The following DDX60 variants were observed in gnomAD, a reference collection of about 807,000 sequenced individuals.
The protein encoded by DDX60 is DExD/H-box helicase 60.
A neutral mutation model predicts 212.8 loss-of-function variants in DDX60; 165 were observed. The ratio of observed to expected loss-of-function variants is 0.78; its 90% CI spans 0.68 to 0.88. DDX60 has a LOEUF of 0.88. Among genes scored for constraint, DDX60 ranks in the 40% least tolerant of loss-of-function variants. The pLI, the probability that DDX60 is intolerant of heterozygous loss-of-function variation, is 0.00. For synonymous variants in DDX60, 703 were observed against 685.3 expected, an observed-to-expected ratio of 1.03 and a Z score of -0.40; for missense variants, 1,905 against 2,003.9, an observed-to-expected ratio of 0.95 and a Z score of 0.94.
chr4:168,276,472 T>C (rs566435869), intron 14 of DDX60, among the ~76,000 whole-genome samples: 104 of 152,312 alleles, frequency 6.8e-4, no homozygotes, highest in African/African-American at 2.3e-3. Flanking sequence ...ATAACAAATA[T>C]TTTCTCCATC....
chr4:168,294,865 G>GA (rs1736272740), intron 6 of DDX60, among the ~76,000 whole-genome samples: 1 of 151,562 alleles, frequency 6.6e-6, no homozygotes, highest in African/African-American at 2.4e-5. Context: ...TCAATAGTAA[G>GA]AAAACAAATA....
intron 29 of DDX60, 87 bp downstream of exon 29, chr4:168,248,101 T>C (rs550484053): frequency 2.4e-5 from 20 of 820,070 alleles, no homozygotes; most frequent in Non-Finnish European, 3.0e-5. Context: ...AATTGTGGCA[T>C]GTTTGTAAAC....
In DDX60 at chr4:168,280,557, T is replaced by C. The variant is rs199700224; in HGVS notation, c.1756A>G (p.Lys586Glu). 6.2e-7 allele frequency: 1 copy of C among 1,613,686 alleles called. No homozygotes were observed. The highest frequency in any genetic ancestry group is 8.5e-7 in the Non-Finnish European group (1 of 1,179,936). ...TKAEIIAREN[K>E]KRLFAREEQK... ...TCTTCCCTGGCAAATAACCTTTTCT[T>C]ATTCTCTCTAGCAATTATTTCAGCC... Residue 586 changes from lysine (K) to glutamate (E), a missense_variant, in exon 14 of 38, where the codon AAG becomes GAG. Lys to Glu is a moderately conservative substitution (Grantham distance 56). Coordinates refer to ENST00000393743, the MANE Select transcript of DDX60 (RefSeq NM_017631.6).
At chr4:168,264,071 A>G (rs1160464990) in intron 22 of DDX60, among the ~76,000 whole-genome samples, 1 of 152,168 alleles carries the variant, frequency 6.6e-6, no homozygotes, top group East Asian at 1.9e-4. Context: ...TAAAAAAGCC[A>G]CTCCAAACAC....
Position 168,251,096 on chromosome 4 carries a change from T to TTC in DDX60, c.3714_3715dup (p.Lys1239ArgfsTer7). On this transcript the variant is annotated frameshift_variant, in exon 28 of 38. Coordinates refer to ENST00000393743, the MANE Select transcript of DDX60 (RefSeq NM_017631.6). LOFTEE classifies it high-confidence loss of function. ...TTCAAATTTTACTCGACCAAATACC[T>TTC]TCTGCAAAGTCTAAAAGAAGCAAGA... The TTC allele has an allele frequency of 6.2e-7, 1 of 1,610,690 alleles. No individual in the cohort carries two copies. The highest frequency in any genetic ancestry group is 8.5e-7 in the Non-Finnish European group (1 of 1,179,232).
At chr4:168,253,471 C>T (rs1262937519) in intron 26 of DDX60, among the ~76,000 whole-genome samples, 1 of 152,122 alleles carries the variant, frequency 6.6e-6, no homozygotes, top group Non-Finnish European at 1.5e-5. Flanking sequence ...TTGCCCTAAA[C>T]TGACAGAGGC....
chr4:168,222,370 T>C (rs1222322800), intron 35 of DDX60, among the ~76,000 whole-genome samples: 2 of 152,128 alleles, frequency 1.3e-5, no homozygotes, highest in African/African-American at 2.4e-5. Context: ...AGTTTTCCCA[T>C]GTCTGCTCAT....
chr4:168,305,755 C>T (rs1736849496), intron 5 of DDX60, among the ~76,000 whole-genome samples: 1 of 151,568 alleles, frequency 6.6e-6, no homozygotes, highest in South Asian at 2.1e-4. Flanking sequence ...AAAATAATAA[C>T]ATCATGGAAT....
At chr4:168,273,707 C>G (rs976866319) in intron 17 of DDX60, among the ~76,000 whole-genome samples, 1 of 152,000 alleles carries the variant, frequency 6.6e-6, no homozygotes, top group Non-Finnish European at 1.5e-5. Context: ...GGTGACTTTC[C>G]TCTGATGTCT....
rs1179472805 is a variant in DDX60 at position 168,275,408 on chromosome 4, C to T, written c.2241G>A (p.Leu747=). Residue 747 remains leucine, a synonymous_variant, in exon 16 of 38, where the codon TTG becomes TTA. Coordinates refer to ENST00000393743, the MANE Select transcript of DDX60 (RefSeq NM_017631.6). ...RFQLQYMGHY[L]IRDERKDPDP... Reference sequence around the variant, plus strand: ...CTGGGTCTTTTCTCTCATCTCGTATCAAATAATGGCCCATGTATTGCAGTT... The same window carrying T: ...CTGGGTCTTTTCTCTCATCTCGTATTAAATAATGGCCCATGTATTGCAGTT... 7 of 1,612,784 alleles carry T rather than the reference C, an allele frequency of 4.3e-6. No individual in the cohort carries two copies. The highest frequency in any genetic ancestry group is 1.3e-5 in the African/African-American group (1 of 74,844).
In DDX60 at chr4:168,220,748, A is replaced by T. The variant is rs202047803; in HGVS notation, c.4977-31T>A. 2.7e-5 allele frequency: 31 copies of T among 1,139,966 alleles called. No homozygotes were observed. In the East Asian group the frequency reaches 8.5e-4, roughly 31 times the overall value. The allele number at this position is 1,139,966 out of a possible 1,614,324, so 70.6% of individuals were successfully genotyped here. On this transcript the variant is annotated intron_variant, in intron 36 of 37. Coordinates refer to ENST00000393743, the MANE Select transcript of DDX60 (RefSeq NM_017631.6). Reference sequence around the variant, plus strand: ...GAAAACAACATTTTGAAAATTAATAATACAAAACATTAAAGAACATCCTAT... The same window carrying T: ...GAAAACAACATTTTGAAAATTAATATTACAAAACATTAAAGAACATCCTAT...
rs1418402946 is a variant in DDX60, at chr4:168,255,831, A to G, written c.3437T>C (p.Val1146Ala). The G allele has an allele frequency of 2.5e-6, 4 of 1,602,004 alleles. No individual in the cohort carries two copies. The highest frequency in any genetic ancestry group is 3.4e-6 in the Non-Finnish European group (4 of 1,176,694). ...LGAVENAAES[V>A]STFLKKKQET... is the part of the protein sequence containing the mutation. ...CTGCTTTTTCTTTAGGAAAGTGCTC[A>G]CACTTTCAGCTGCGTTTTCTACAGC... The change falls in exon 26 of 38, where the codon GTG becomes GCG. Residue 1146 changes from valine (V) to alanine (A), a missense_variant. Val to Ala is a moderately conservative substitution (Grantham distance 64). Coordinates refer to ENST00000393743, the MANE Select transcript of DDX60 (RefSeq NM_017631.6).
chr4:168,323,560 T>A (rs189194729), upstream of DDX60, among the ~76,000 whole-genome samples: 2 of 152,202 alleles, frequency 1.3e-5, no homozygotes, highest in East Asian at 1.9e-4. Flanking sequence ...CCCACTGTTA[T>A]ATATTCTGAG....
At chr4:168,279,805 G>A (rs1735510539) in intron 14 of DDX60, among the ~76,000 whole-genome samples, 2 of 152,192 alleles carry the variant, frequency 1.3e-5, no homozygotes, top group Admixed American at 1.3e-4. Context: ...TGAAGAACCT[G>A]AAGCAGAACC....
At chr4:168,291,681 A>T in intron 8 of DDX60, 67 bp downstream of exon 8, 1 of 1,415,978 alleles carries the variant, frequency 7.1e-7, no homozygotes, top group Non-Finnish European at 9.4e-7. Flanking sequence ...AGAATTTTGA[A>T]AGTTATTGTA....
At chr4:168,272,560 T>G (rs192594805) in intron 18 of DDX60, among the ~76,000 whole-genome samples, 8 of 152,236 alleles carry the variant, frequency 5.3e-5, no homozygotes, top group African/African-American at 1.4e-4. Context: ...GCAGGCCTGA[T>G]GGAGCCTCAG....
chr4:168,302,248 C>T, intron 6 of DDX60, 52 bp downstream of exon 6: 1 of 980,538 alleles, frequency 1.0e-6, no homozygotes, highest in Non-Finnish European at 1.5e-6. Flanking sequence ...TGCAACTTTT[C>T]TATAACTAAA....
chr4:168,273,257 CTT>C lies in DDX60; in HGVS notation c.2574+20_2574+21del, dbSNP rs758510409. On this transcript the variant is annotated intron_variant, in intron 18 of 37. Coordinates refer to ENST00000393743, the MANE Select transcript of DDX60 (RefSeq NM_017631.6). The stretch of plus-strand genomic sequence containing the variant: ...TACAGTTATATAATTTGATAACACA[CTT>C]ATTAATTAAAATACCCTACCTGACA... 3.7e-5 allele frequency: 59 copies of C among 1,605,906 alleles called. No homozygotes were observed. The South Asian group carries it at 6.5e-4, about 18-fold the overall frequency.
chr4:168,273,494 A>C, intron 17 of DDX60, 96 bp from the exon 18 acceptor site: 1 of 1,465,542 alleles, frequency 6.8e-7, no homozygotes, highest in South Asian at 1.3e-5. Context: ...TCCTGCTTTC[A>C]GTGCAGAAAG....
Sources: gnomAD v4.1 joint callset for allele counts (sites outside exome capture counted in the v4.1 genomes callset) on GRCh38, gnomAD v4.1.1 for gene constraint, MANE v1.5 for transcripts, NCBI Gene and HGNC (gene_info 2026-07-23, HGNC 2026-07-21) for gene names.